Variants in SLC25A26 observed in about 807,000 individuals in gnomAD.
The protein encoded by SLC25A26 is solute carrier family 25 member 26, also known as mitochondrial S-adenosylmethionine carrier protein.
Under a neutral mutation model 37.8 loss-of-function variants are expected in SLC25A26, and 36 were observed. The ratio of observed to expected loss-of-function variants is 0.95; its 90% CI spans 0.73 to 1.26. SLC25A26 has a LOEUF of 1.26. SLC25A26 is among the 50% of genes most tolerant of loss of function. The pLI is 0.00. For missense variants in SLC25A26, 390 were observed against 331.1 expected, an observed-to-expected ratio of 1.18 and a Z score of -1.38; for synonymous variants, 129 against 122.5, an observed-to-expected ratio of 1.05 and a Z score of -0.35.
intron 2 of SLC25A26, among the ~76,000 whole-genome samples, chr3:66,242,505 A>G (rs2072628304): frequency 6.6e-6 from 1 of 152,176 alleles, no homozygotes; most frequent in Non-Finnish European, 1.5e-5. Flanking sequence ...AGTTAGTGAC[A>G]TGTTCAGATG....
intron 5 of SLC25A26, among the ~76,000 whole-genome samples, chr3:66,267,056 G>T (rs13081023): frequency 0.16 from 24,456 of 152,062 alleles, 2,417 homozygotes; most frequent in Non-Finnish European, 0.23. Context: ...GCACTACAAG[G>T]AACATTTCTG....
chr3:66,200,425 T>C (rs1484660558), intron 1 of SLC25A26, among the ~76,000 whole-genome samples: 1 of 152,224 alleles, frequency 6.6e-6, no homozygotes, highest in African/African-American at 2.4e-5. Context: ...TCACAGTTCT[T>C]GGCTCATGGC....
At chr3:66,324,044 C>T (rs188558865) in intron 5 of SLC25A26, 1 of 152,128 alleles carries the variant, frequency 6.6e-6, no homozygotes, top group Admixed American at 6.6e-5. Flanking sequence ...TGAACTGGCC[C>T]AGGTTGGAAA....
At chr3:66,350,104 A>G (rs568994653) in intron 6 of SLC25A26, among the ~76,000 whole-genome samples, 4 of 152,294 alleles carry the variant, frequency 2.6e-5, no homozygotes, top group African/African-American at 9.6e-5. Context: ...GTTTGCAGCT[A>G]TAGAAGGAGA....
chr3:66,153,558 G>A lies in SLC25A26; in HGVS notation c.-354+19574G>A, dbSNP rs1277404846. Among the ~76,000 whole-genome samples, 5 of 152,320 alleles carry A rather than the reference G, an allele frequency of 3.3e-5. No homozygotes were observed. The East Asian group carries it at 9.7e-4, about 29-fold the overall frequency. On this transcript the variant is annotated intron_variant, in intron 1 of 10. Coordinates refer to the SLC25A26 transcript ENST00000676754. ...TGATGCAGGTGGCTCTGCAGACCGC[G>A]CTTTGAGAAACACAACCGCAGAATG...
At chr3:66,193,238 T>A (rs909342540) in intron 1 of SLC25A26, among the ~76,000 whole-genome samples, 79 of 152,280 alleles carry the variant, frequency 5.2e-4, no homozygotes, top group Non-Finnish European at 8.4e-4. Context: ...AAAAAGGGAA[T>A]ATATCCTTTA....
chr3:66,175,981 G>A (rs1345955555), intron 1 of SLC25A26, among the ~76,000 whole-genome samples: 1 of 151,960 alleles, frequency 6.6e-6, no homozygotes, highest in Non-Finnish European at 1.5e-5. Flanking sequence ...CTATCAACAG[G>A]AACCACTCAG....
intron 1 of SLC25A26, among the ~76,000 whole-genome samples, chr3:66,228,861 T>G (rs953614792): frequency 6.6e-6 from 1 of 152,252 alleles, no homozygotes; most frequent in Non-Finnish European, 1.5e-5. Context: ...AAGTTGATGC[T>G]GAATGTTCCT....
At chr3:66,331,703 T>C (rs2075977949) in intron 5 of SLC25A26, among the ~76,000 whole-genome samples, 1 of 152,208 alleles carries the variant, frequency 6.6e-6, no homozygotes, top group Non-Finnish European at 1.5e-5. Context: ...TTCTACTGTA[T>C]ATTTCCATTC....
intron 1 of SLC25A26, among the ~76,000 whole-genome samples, chr3:66,137,217 C>CTTTTT (rs528438794): frequency 3.5e-4 from 41 of 118,806 alleles, no homozygotes; most frequent in Non-Finnish European, 4.1e-4. Flanking sequence ...GATTTTCTTT[C>CTTTTT]TTTTTTTTTT....
intron 3 of SLC25A26, among the ~76,000 whole-genome samples, chr3:66,250,113 A>T (rs1341375418): frequency 2.0e-5 from 3 of 152,240 alleles, no homozygotes; most frequent in Non-Finnish European, 4.4e-5. Context: ...TCTCAACCAT[A>T]TAAAAAGCAG....
chr3:66,364,554 C>G (rs2076784690), intron 7 of SLC25A26, among the ~76,000 whole-genome samples: 1 of 152,216 alleles, frequency 6.6e-6, no homozygotes, highest in Admixed American at 6.5e-5. Flanking sequence ...TGGGACCCTC[C>G]TGAGTGCCAG....
At chr3:66,371,564 C>G (rs1323137177) in intron 9 of SLC25A26, among the ~76,000 whole-genome samples, 1 of 152,060 alleles carries the variant, frequency 6.6e-6, no homozygotes, top group African/African-American at 2.4e-5. Context: ...TGAAGGGTGT[C>G]ACGGTTTTGA....
intron 8 of SLC25A26, among the ~76,000 whole-genome samples, chr3:66,370,028 A>T (rs905923558): frequency 6.6e-6 from 1 of 152,236 alleles, no homozygotes; most frequent in Non-Finnish European, 1.5e-5. Context: ...CCTGAACTGA[A>T]CCAAAACAAA....
chr3:66,135,583 C>G (rs1027670762), intron 1 of SLC25A26, among the ~76,000 whole-genome samples: 1 of 152,094 alleles, frequency 6.6e-6, no homozygotes, highest in Non-Finnish European at 1.5e-5. Context: ...GACTGGGCAA[C>G]AAAGTGAGAC....
intron 5 of SLC25A26, among the ~76,000 whole-genome samples, chr3:66,274,002 C>T (rs1042762868): frequency 1.4e-4 from 21 of 152,278 alleles, no homozygotes; most frequent in African/African-American, 4.6e-4. Context: ...TCAAACTATA[C>T]TACAAGGCTT....
At chr3:66,275,192 A>G (rs1168204459) in intron 5 of SLC25A26, among the ~76,000 whole-genome samples, 1 of 142,552 alleles carries the variant, frequency 7.0e-6, no homozygotes, top group African/African-American at 2.6e-5. Flanking sequence ...ATAGATGGGA[A>G]TTGAACAATG....
At chr3:66,289,729 G>A (rs1271261779) in intron 5 of SLC25A26, among the ~76,000 whole-genome samples, 1 of 152,158 alleles carries the variant, frequency 6.6e-6, no homozygotes. Context: ...GTGCCTTGTA[G>A]TATAGTTTGA....
chr3:66,273,107 G>A (rs1157214814), intron 5 of SLC25A26, among the ~76,000 whole-genome samples: 3 of 152,090 alleles, frequency 2.0e-5, no homozygotes, highest in African/African-American at 7.2e-5. Context: ...ATTGATTTGT[G>A]TATATTGGAG....
Sources: allele counts gnomAD v4.1 joint callset (sites outside exome capture counted in the v4.1 genomes callset), GRCh38; gene constraint gnomAD v4.1.1; transcripts MANE v1.5; gene names NCBI Gene and HGNC (gene_info 2026-07-23, HGNC 2026-07-21).